The following CAMK4 variants were observed in gnomAD, a reference collection of about 807,000 sequenced individuals.
CAMK4 encodes calcium/calmodulin dependent protein kinase IV.
CAMK4 carries 22 observed loss-of-function variants against 44.9 expected under a neutral mutation model. The observed-to-expected ratio is 0.49, with a 90% CI of 0.35 to 0.70. The LOEUF (loss-of-function observed/expected upper bound fraction) is 0.70, where lower values mean the gene tolerates loss of function less well. Among genes scored for constraint, CAMK4 ranks in the 30% least tolerant of loss-of-function variants. CAMK4 has a pLI of 0.01. For missense variants in CAMK4, 498 were observed against 586.8 expected (o/e 0.85, Z 1.56); for synonymous variants, 218 against 215.4 (o/e 1.01, Z -0.11).
chr5:111,277,044 T>C (rs1213017640), intron 1 of CAMK4, among the ~76,000 whole-genome samples: 1 of 152,206 alleles, frequency 6.6e-6, no homozygotes, highest in Non-Finnish European at 1.5e-5. Flanking sequence ...CTTGACTGAA[T>C]TTCCATTTCT....
chr5:111,268,044 C>T (rs1431594611), intron 1 of CAMK4, among the ~76,000 whole-genome samples: 1 of 152,144 alleles, frequency 6.6e-6, no homozygotes, highest in African/African-American at 2.4e-5. Flanking sequence ...ACTCAACAGG[C>T]AGATTGGCAT....
At chr5:111,390,544 T>G (rs2112853353) in intron 4 of CAMK4, among the ~76,000 whole-genome samples, 1 of 152,292 alleles carries the variant, frequency 6.6e-6, no homozygotes, top group Middle Eastern at 3.4e-3. Context: ...AGGTACCATC[T>G]AAGAAAAGTT....
At chr5:111,333,270 G>C (rs191204817) in intron 1 of CAMK4, among the ~76,000 whole-genome samples, 3 of 151,640 alleles carry the variant, frequency 2.0e-5, no homozygotes, top group East Asian at 3.9e-4. Flanking sequence ...AACATTAAAT[G>C]GTTGATCAAA....
chr5:111,297,048 T>C (rs1747512602), intron 1 of CAMK4, among the ~76,000 whole-genome samples: 1 of 152,214 alleles, frequency 6.6e-6, no homozygotes, highest in Admixed American at 6.5e-5. Context: ...TCAGTTGCTT[T>C]GAATGGTGGA....
intron 1 of CAMK4, among the ~76,000 whole-genome samples, chr5:111,317,089 A>T (rs1027375556): frequency 6.6e-6 from 1 of 152,104 alleles, no homozygotes; most frequent in Non-Finnish European, 1.5e-5. Flanking sequence ...AATAAAGGAC[A>T]TGGGCTTGGA....
chr5:111,465,320 C>A (rs1754787628), intron 7 of CAMK4, among the ~76,000 whole-genome samples: 2 of 151,800 alleles, frequency 1.3e-5, no homozygotes, highest in African/African-American at 4.8e-5. Flanking sequence ...AAACCCAACT[C>A]AACCCAAGCA....
rs531644476 is a variant in CAMK4, at chr5:111,281,907, A to G, written c.161+57263A>G. Among the ~76,000 whole-genome samples, 501 of 151,790 alleles carry G rather than the reference A, an allele frequency of 3.3e-3. 2 individuals are homozygous for G. The highest frequency in any genetic ancestry group is 0.012 in the African/African-American group (480 of 41,392). ...CCCCGTCTCTACTAAAAATACAAAA[A>G]ATTAGCCGGGCGAGGTGGCGGGCGC... On this transcript the variant is annotated intron_variant, in intron 1 of 10. Transcript: ENST00000282356.
At chr5:111,352,637 C>CAGGGAGAG (rs1750159706) in intron 2 of CAMK4, among the ~76,000 whole-genome samples, 1 of 109,104 alleles carries the variant, frequency 9.2e-6, no homozygotes. Context: ...GGCAGAATAG[C>CAGGGAGAG]AGAGAGAGAG....
rs1288882825 is a variant in CAMK4, at chr5:111,493,396, T to C, written c.*8930T>C. The C allele has an allele frequency of 6.6e-6, 1 of 152,176 alleles. No individual in the cohort carries two copies. The allele number at this position is 152,176 out of a possible 1,614,324, so 9.4% of individuals were successfully genotyped here. A position where few individuals can be genotyped will look rare whatever the true frequency, so the allele number is the denominator to read the frequency against. ...AATTTCAAGTTTTCCAAGACTCCAA[T>C]TTCTGAAAAATGTCTCATGACTCCA... On this transcript the variant is annotated 3_prime_UTR_variant, in exon 11 of 11. Transcript: ENST00000282356. This position sits in a 1 kb window ranked among gnomAD's most constrained non-coding sequence, Gnocchi z 4.1.
Position 111,443,243 on chromosome 5 carries a change from CATATATAT to C in CAMK4, c.460-3413_460-3406del, listed in dbSNP as rs1232548245. Among the ~76,000 whole-genome samples the C allele has an allele frequency of 5.5e-3, 396 of 72,192 alleles. 5 individuals carry two copies. Among genetic ancestry groups the C allele is most frequent in the Middle Eastern group, 0.021 (3 of 140 alleles). 47.4% of individuals were successfully genotyped at this position (72,192 alleles called of 152,430 possible). ...GATATATTTAAATGCCTCCCCCTAC[CATATATAT>C]ATATATATATATATATATATATATA... On this transcript the variant is annotated intron_variant, in intron 5 of 10. Transcript: ENST00000282356.
intron 4 of CAMK4, among the ~76,000 whole-genome samples, chr5:111,379,602 A>G (rs1751340848): frequency 6.6e-6 from 1 of 152,136 alleles, no homozygotes. Context: ...CTGCATTATT[A>G]TCCAATGTAT....
At chr5:111,386,905 C>G (rs1394997150) in intron 4 of CAMK4, among the ~76,000 whole-genome samples, 1 of 152,198 alleles carries the variant, frequency 6.6e-6, no homozygotes, top group Admixed American at 6.5e-5. Flanking sequence ...CTCAGGGCAG[C>G]CTTTTGGGTC....
intron 2 of CAMK4, among the ~76,000 whole-genome samples, chr5:111,360,228 G>T (rs1750534537): frequency 1.3e-5 from 2 of 152,068 alleles, no homozygotes; most frequent in Non-Finnish European, 2.9e-5. Context: ...TCTTTAGGGT[G>T]AAGATTGAGT....
At chr5:111,247,543 TA>T (rs939459038) in intron 1 of CAMK4, among the ~76,000 whole-genome samples, 6 of 151,008 alleles carry the variant, frequency 4.0e-5, no homozygotes, top group Non-Finnish European at 7.4e-5. Context: ...TGAATATATT[TA>T]TTTTTTTCAA....
At chr5:111,420,992 A>G (rs778410833) in intron 5 of CAMK4, among the ~76,000 whole-genome samples, 2 of 152,236 alleles carry the variant, frequency 1.3e-5, no homozygotes, top group African/African-American at 2.4e-5. Context: ...AAAGACAGGC[A>G]TAGGAAATCA....
intron 5 of CAMK4, among the ~76,000 whole-genome samples, chr5:111,443,242 C>CTATATATATATATA (rs1753888099): frequency 1.5e-5 from 1 of 65,822 alleles, no homozygotes. Context: ...CCTCCCCCTA[C>CTATATATATATATA]CATATATATA....
At chr5:111,293,313 T>C (rs1747350616) in intron 1 of CAMK4, among the ~76,000 whole-genome samples, 2 of 152,210 alleles carry the variant, frequency 1.3e-5, no homozygotes, top group African/African-American at 2.4e-5. Flanking sequence ...TAGGACTCTC[T>C]AGGAAAATAT....
rs544264704 is a variant in CAMK4 at position 111,280,268 on chromosome 5, T to G, written c.161+55624T>G. On this transcript the variant is annotated intron_variant, in intron 1 of 10. Transcript: ENST00000282356. The stretch of plus-strand genomic sequence containing the variant: ...TCAGGCTATAGTGATAACATCTTAC[T>G]TTTAAAAATCAGCTTTAGCGAATTA... 3.9e-5 allele frequency among the ~76,000 whole-genome samples: 6 copies of G among 151,916 alleles called. No homozygotes were observed. In the East Asian group the frequency reaches 1.2e-3, roughly 29 times the overall value.
chr5:111,288,282 T>G (rs1451150836), intron 1 of CAMK4, among the ~76,000 whole-genome samples: 1 of 152,244 alleles, frequency 6.6e-6, no homozygotes, highest in African/African-American at 2.4e-5. Context: ...ACATCTTGTT[T>G]TGTAACCTAG....
Sources: gnomAD v4.1 joint callset for allele counts (sites outside exome capture counted in the v4.1 genomes callset) on GRCh38, gnomAD v4.1.1 for gene constraint, Gnocchi (gnomAD v3.1) non-coding constraint, MANE v1.5 for transcripts, NCBI Gene and HGNC (gene_info 2026-07-23, HGNC 2026-07-21) for gene names.